RPTOR: variants seen among roughly 807,000 people sequenced by gnomAD.
RPTOR encodes the protein regulatory associated protein of MTOR complex 1.
Under a neutral mutation model 169.9 loss-of-function variants are expected in RPTOR, and 21 were observed. The ratio of observed to expected loss-of-function variants is 0.12; its 90% CI spans 0.09 to 0.18. The LOEUF is 0.18. Among genes scored for constraint, RPTOR ranks in the 10% least tolerant of loss-of-function variants. The pLI is 1.00. For synonymous variants in RPTOR, 732 were observed against 753.2 expected (o/e 0.97, Z 0.46); for missense variants, 1,133 against 1,855.9 (o/e 0.61, Z 7.16).
chr17:80,953,870 C>T (rs533675419), intron 28 of RPTOR, among the ~76,000 whole-genome samples: 21 of 152,326 alleles, frequency 1.4e-4, no homozygotes, highest in East Asian at 1.9e-4. Context: ...GGCCTCCCAG[C>T]GGAGGAGCAG....
chr17:80,634,231 CTG>C lies in RPTOR; in HGVS notation c.265+8445_265+8446del, dbSNP rs1297621011. On this transcript the variant is annotated intron_variant, in intron 2 of 33. Coordinates refer to ENST00000306801, the MANE Select transcript of RPTOR (RefSeq NM_020761.3). ...TGTGCATACTGTGTGCGTGTGTGTA[CTG>C]TGTGTGCGTGCATACTGTATGCGTG... Among the ~76,000 whole-genome samples the C allele has an allele frequency of 3.1e-4, 32 of 101,996 alleles. 1 individual carries two copies. The highest frequency in any genetic ancestry group is 1.2e-3 in the African/African-American group (27 of 22,468). The allele number at this position is 101,996 out of a possible 152,430, so 66.9% of individuals were successfully genotyped here. A position where few individuals can be genotyped will look rare whatever the true frequency, so the allele number is the denominator to read the frequency against.
At chr17:80,745,381 G>A (rs1167582715) in intron 5 of RPTOR, among the ~76,000 whole-genome samples, 2 of 152,160 alleles carry the variant, frequency 1.3e-5, no homozygotes, top group African/African-American at 2.4e-5. Flanking sequence ...CACGTCCTTG[G>A]AAGTCTCCAT....
intron 13 of RPTOR, among the ~76,000 whole-genome samples, chr17:80,870,556 G>A (rs117513300): frequency 2.0e-3 from 302 of 152,282 alleles, no homozygotes; most frequent in Non-Finnish European, 3.5e-3. Context: ...AATGTGCAAG[G>A]TTAGCTTTCT....
At chr17:80,564,531 A>G (rs1437157699) in intron 1 of RPTOR, among the ~76,000 whole-genome samples, 1 of 151,622 alleles carries the variant, frequency 6.6e-6, no homozygotes, top group Non-Finnish European at 1.5e-5. Flanking sequence ...CAGGTTTGTT[A>G]TATAGGTGAA....
intron 20 of RPTOR, among the ~76,000 whole-genome samples, chr17:80,907,932 G>A (rs533111452): frequency 1.3e-5 from 2 of 152,234 alleles, no homozygotes; most frequent in South Asian, 4.2e-4. Flanking sequence ...GCTCCTTCCT[G>A]CATCTCCCTG....
intron 11 of RPTOR, among the ~76,000 whole-genome samples, chr17:80,847,646 C>A (rs1047602705): frequency 3.2e-4 from 49 of 152,312 alleles, no homozygotes; most frequent in African/African-American, 1.2e-3. Context: ...GTGACTCCCC[C>A]CACACACAGG....
At chr17:80,604,667 G>A (rs754963004) in intron 1 of RPTOR, among the ~76,000 whole-genome samples, 1 of 152,180 alleles carries the variant, frequency 6.6e-6, no homozygotes, top group Non-Finnish European at 1.5e-5. Context: ...GGCTGGGGAG[G>A]CCTCACAATC....
intron 16 of RPTOR, 45 bp downstream of exon 16, chr17:80,884,017 C>A: frequency 6.3e-7 from 1 of 1,578,848 alleles, no homozygotes; most frequent in Non-Finnish European, 8.6e-7. Context: ...TGGCTGCCGA[C>A]TGCGGGGGTA....
At chr17:80,640,393 T>C (rs1181143739) in intron 2 of RPTOR, among the ~76,000 whole-genome samples, 1 of 152,230 alleles carries the variant, frequency 6.6e-6, no homozygotes, top group African/African-American at 2.4e-5. Flanking sequence ...AAATGCATCG[T>C]TTCATTTGAC....
chr17:80,734,152 G>A (rs913936811), intron 5 of RPTOR, among the ~76,000 whole-genome samples: 12 of 152,092 alleles, frequency 7.9e-5, no homozygotes, highest in African/African-American at 2.9e-4. Flanking sequence ...AACTGTTTTC[G>A]TTTGTTTGCT....
Position 80,947,403 on chromosome 17 carries a change from C to T in RPTOR, c.3265+52C>T, listed in dbSNP as rs548494520. The T allele has an allele frequency of 1.7e-5, 25 of 1,483,068 alleles. No homozygotes were observed. Among genetic ancestry groups the T allele is most frequent in the Admixed American group, 5.0e-5 (2 of 40,370 alleles). 91.9% of individuals were successfully genotyped at this position (1,483,068 alleles called of 1,614,324 possible). ...TGGAAGCCAGGGTCTGGAGGAGTGG[C>T]GGGGAGGGTGTGTGATCCTGAGATG... On this transcript the variant is annotated intron_variant, in intron 27 of 33. Transcript: ENST00000306801. The surrounding 1 kb of genome is among the most constrained non-coding windows in gnomAD (Gnocchi z 4.4).
chr17:80,762,602 T>A (rs928794306), intron 6 of RPTOR, among the ~76,000 whole-genome samples: 2 of 151,904 alleles, frequency 1.3e-5, no homozygotes, highest in African/African-American at 4.8e-5. Context: ...TAAAAGACAA[T>A]TGGAAATATG....
chr17:80,758,042 T>C (rs929105148), intron 6 of RPTOR, among the ~76,000 whole-genome samples: 11 of 152,182 alleles, frequency 7.2e-5, no homozygotes, highest in African/African-American at 1.2e-4. Flanking sequence ...GTCCCGACTG[T>C]GTATGTAATA....
At chr17:80,799,625 G>A (rs1344639537) in intron 7 of RPTOR, among the ~76,000 whole-genome samples, 6 of 152,284 alleles carry the variant, frequency 3.9e-5, no homozygotes, top group East Asian at 1.9e-4. Flanking sequence ...GGAGAATAAC[G>A]GGCCTGTGTT....
chr17:80,700,756 G>GGT (rs2066090825), intron 3 of RPTOR, among the ~76,000 whole-genome samples: 2 of 67,898 alleles, frequency 2.9e-5, no homozygotes, highest in Non-Finnish European at 3.4e-5. Context: ...TGGTGGTGAT[G>GGT]ATGGTGATGG....
intron 24 of RPTOR, among the ~76,000 whole-genome samples, chr17:80,931,058 G>A (rs761686194): frequency 6.6e-6 from 1 of 152,132 alleles, no homozygotes; most frequent in African/African-American, 2.4e-5. Flanking sequence ...TTTCATCCTG[G>A]TTTTGCTTGG....
chr17:80,602,376 A>G (rs1297749019), intron 1 of RPTOR, among the ~76,000 whole-genome samples: 3 of 65,808 alleles, frequency 4.6e-5, no homozygotes, highest in African/African-American at 8.8e-5. Context: ...AGGGGGGCTG[A>G]CCCCCCCACC....
At chr17:80,569,473 C>T (rs1454006288) in intron 1 of RPTOR, among the ~76,000 whole-genome samples, 3 of 151,880 alleles carry the variant, frequency 2.0e-5, no homozygotes, top group Non-Finnish European at 4.4e-5. Context: ...TGCTGTGAGC[C>T]GAGGTTGTGC....
rs936456262 is a variant in RPTOR, at chr17:80,860,075, T to C, written c.1509+2175T>C. Among the ~76,000 whole-genome samples, 1 of 152,196 alleles carries C rather than the reference T, an allele frequency of 6.6e-6. No individual in the cohort carries two copies. The highest frequency in any genetic ancestry group is 2.4e-5 in the African/African-American group (1 of 41,452). ...GAAGACCACCCTTTCCTTTTCTGTG[T>C]GGCAGGTGAGGGGAGAGTGGACGGA... On this transcript the variant is annotated intron_variant, in intron 13 of 33. Coordinates refer to ENST00000306801, the MANE Select transcript of RPTOR (RefSeq NM_020761.3). The surrounding 1 kb of genome is among the most constrained non-coding windows in gnomAD (Gnocchi z 5.8).
Sources: gnomAD v4.1 joint callset for allele counts (sites outside exome capture counted in the v4.1 genomes callset) on GRCh38, gnomAD v4.1.1 for gene constraint, Gnocchi (gnomAD v3.1) non-coding constraint, MANE v1.5 for transcripts, NCBI Gene and HGNC (gene_info 2026-07-23, HGNC 2026-07-21) for gene names.